PRKG1: variants seen among roughly 807,000 people sequenced by gnomAD.
PRKG1 encodes protein kinase cGMP-dependent 1, also known as cGMP-dependent protein kinase 1.
PRKG1 carries 35 observed loss-of-function variants against 88.1 expected under a neutral mutation model. That is an observed-to-expected ratio of 0.40 (90% CI 0.30 to 0.53). The LOEUF is 0.53. Among genes scored for constraint, PRKG1 ranks in the 20% least tolerant of loss-of-function variants. The pLI, the probability that PRKG1 is intolerant of heterozygous loss-of-function variation, is 0.59. For missense variants in PRKG1, 540 were observed against 839.8 expected, an observed-to-expected ratio of 0.64 and a Z score of 4.41; for synonymous variants, 303 against 292.5, an observed-to-expected ratio of 1.04 and a Z score of -0.37.
Position 52,054,570 on chromosome 10 carries a change from T to C in PRKG1, c.840+9T>C. 6.2e-7 allele frequency: 1 copy of C among 1,612,938 alleles called. No individual in the cohort carries two copies. The highest frequency in any genetic ancestry group is 8.5e-7 in the Non-Finnish European group (1 of 1,179,046). On this transcript the variant is annotated intron_variant, in intron 6 of 17. Coordinates refer to ENST00000373980, the MANE Select transcript of PRKG1 (RefSeq NM_006258.4). ...TCATCAGCAAAGGAACGGTAAGCTT[T>C]GGTGGCACAAGACAGTGATGCACTA... is the stretch of plus-strand genomic sequence containing the variant.
At chr10:51,554,893 T>G (rs1262578213) in intron 3 of PRKG1, among the ~76,000 whole-genome samples, 3 of 151,848 alleles carry the variant, frequency 2.0e-5, no homozygotes, top group African/African-American at 4.8e-5. Flanking sequence ...TAGAGATTCT[T>G]GCCTCAAGTG....
At chr10:51,895,245 C>T (rs2132916789) in intron 4 of PRKG1, among the ~76,000 whole-genome samples, 1 of 152,264 alleles carries the variant, frequency 6.6e-6, no homozygotes, top group African/African-American at 2.4e-5. Flanking sequence ...CAGGACAGAA[C>T]TGGATGAGTA....
At chr10:51,664,144 A>G (rs1165176676) in intron 3 of PRKG1, among the ~76,000 whole-genome samples, 1 of 152,184 alleles carries the variant, frequency 6.6e-6, no homozygotes, top group African/African-American at 2.4e-5. Flanking sequence ...GAAGAAATTT[A>G]TCTTTAAGTG....
intron 2 of PRKG1, among the ~76,000 whole-genome samples, chr10:51,306,013 G>T (rs1376189464): frequency 6.6e-6 from 1 of 152,128 alleles, no homozygotes; most frequent in Non-Finnish European, 1.5e-5. Flanking sequence ...AATATTATGT[G>T]TACCATATGA....
At chr10:51,763,574 T>C (rs996533382) in intron 3 of PRKG1, among the ~76,000 whole-genome samples, 2 of 144,952 alleles carry the variant, frequency 1.4e-5, no homozygotes, top group Admixed American at 7.0e-5. Flanking sequence ...TTTAAAACGA[T>C]GTAAAATTTG....
chr10:52,155,777 T>C (rs1251460749), intron 8 of PRKG1, among the ~76,000 whole-genome samples: 1 of 148,144 alleles, frequency 6.8e-6, no homozygotes, highest in African/African-American at 2.5e-5. Flanking sequence ...AATTCAAAAC[T>C]AGATGATTTC....
intron 5 of PRKG1, among the ~76,000 whole-genome samples, chr10:51,948,092 A>G (rs1843095731): frequency 6.6e-6 from 1 of 152,176 alleles, no homozygotes; most frequent in Non-Finnish European, 1.5e-5. Flanking sequence ...TGATGAAAGA[A>G]TAGAGATTTA....
chr10:51,118,019 A>G (rs1370891370), intron 1 of PRKG1, among the ~76,000 whole-genome samples: 2 of 152,192 alleles, frequency 1.3e-5, no homozygotes, highest in Non-Finnish European at 2.9e-5. Flanking sequence ...CTAAAATCTC[A>G]GTGATGACTT....
intron 2 of PRKG1, among the ~76,000 whole-genome samples, chr10:51,318,773 T>C (rs546407352): frequency 2.0e-5 from 3 of 152,342 alleles, no homozygotes; most frequent in Non-Finnish European, 4.4e-5. Flanking sequence ...TTCTTGAGTA[T>C]TTTGTGAAAG....
intron 1 of PRKG1, among the ~76,000 whole-genome samples, chr10:51,024,366 T>A (rs1191908546): frequency 6.6e-6 from 1 of 152,176 alleles, no homozygotes; most frequent in African/African-American, 2.4e-5. Context: ...CTGGTCTGTA[T>A]CACAGGGAGG....
chr10:51,672,873 T>C (rs902755752), intron 3 of PRKG1, among the ~76,000 whole-genome samples: 8 of 152,224 alleles, frequency 5.3e-5, no homozygotes, highest in Non-Finnish European at 1.2e-4. Context: ...CTTGTGTTGG[T>C]TTCCTTGATG....
At chr10:51,704,155 A>AT (rs1564614468) in intron 3 of PRKG1, among the ~76,000 whole-genome samples, 1 of 150,754 alleles carries the variant, frequency 6.6e-6, no homozygotes, top group South Asian at 2.1e-4. Flanking sequence ...AAAAAAAAAA[A>AT]AAATTAAATA....
chr10:52,005,966 G>A (rs1354529383), intron 5 of PRKG1, among the ~76,000 whole-genome samples: 1 of 151,936 alleles, frequency 6.6e-6, no homozygotes, highest in Non-Finnish European at 1.5e-5. Flanking sequence ...GAAGCATGGG[G>A]AGAATAATCA....
chr10:51,053,658 A>G (rs1369126480), intron 1 of PRKG1, among the ~76,000 whole-genome samples: 3 of 152,224 alleles, frequency 2.0e-5, no homozygotes, highest in African/African-American at 7.2e-5. Flanking sequence ...AAAGGAAAAC[A>G]ATAAAACTTT....
chr10:51,528,582 AAC>A (rs1439590510), intron 3 of PRKG1, among the ~76,000 whole-genome samples: 7 of 151,798 alleles, frequency 4.6e-5, no homozygotes, highest in African/African-American at 1.7e-4. Context: ...AAAAAAAAAA[AAC>A]AAATTCAGAG....
chr10:51,092,606 T>C (rs1256654642), intron 1 of PRKG1, among the ~76,000 whole-genome samples: 4 of 152,156 alleles, frequency 2.6e-5, no homozygotes, highest in African/African-American at 9.7e-5. Context: ...GCTTCTGGGT[T>C]ATGAGCCAAC....
intron 7 of PRKG1, among the ~76,000 whole-genome samples, chr10:52,081,124 A>G (rs543620400): frequency 6.6e-6 from 1 of 152,298 alleles, no homozygotes; most frequent in East Asian, 1.9e-4. Context: ...TTCTCAGGAA[A>G]CCCAACGTAC....
chr10:52,181,279 G>A (rs1238663137), intron 9 of PRKG1, among the ~76,000 whole-genome samples: 1 of 152,166 alleles, frequency 6.6e-6, no homozygotes, highest in East Asian at 1.9e-4. Context: ...ATGTCTCCTG[G>A]GGGTGGCCTG....
intron 5 of PRKG1, among the ~76,000 whole-genome samples, chr10:52,024,748 G>T (rs184741492): frequency 0.032 from 4,802 of 152,162 alleles, 241 homozygotes; most frequent in African/African-American, 0.1. Flanking sequence ...ATTTGGGTTG[G>T]TTCCAAGTCT....
Sources: allele counts gnomAD v4.1 joint callset (sites outside exome capture counted in the v4.1 genomes callset), GRCh38; gene constraint gnomAD v4.1.1; transcripts MANE v1.5; gene names NCBI Gene and HGNC (gene_info 2026-07-23, HGNC 2026-07-21).